The following CERS5 variants were observed in gnomAD, a reference collection of about 807,000 sequenced individuals.
The protein encoded by CERS5 is ceramide synthase 5.
A neutral mutation model predicts 58.9 loss-of-function variants in CERS5; 37 were observed. The ratio of observed to expected loss-of-function variants is 0.63; its 90% CI spans 0.48 to 0.83. The LOEUF is 0.83. Among genes scored for constraint, CERS5 ranks in the 40% least tolerant of loss-of-function variants. The pLI is 0.00. For missense variants in CERS5, 398 were observed against 489.3 expected (o/e 0.81, Z 1.76); for synonymous variants, 147 against 177.8 (o/e 0.83, Z 1.38).
In CERS5 at chr12:50,154,427, G is replaced by A. The variant is rs190855438; in HGVS notation, c.198-10370C>T. ...AGATAAATATCAAATTATTTGAAAG[G>A]GCTATTAAAATACTTCCTGCTTTTC... On this transcript the variant is annotated intron_variant, in intron 1 of 9. Coordinates refer to ENST00000317551, the MANE Select transcript of CERS5 (RefSeq NM_147190.5). The A allele has an allele frequency of 2.1e-3, 335 of 158,192 alleles. 1 individual carries two copies. The highest frequency in any genetic ancestry group is 5.7e-3 in the Middle Eastern group (11 of 1,928). 9.8% of individuals were successfully genotyped at this position (158,192 alleles called of 1,614,324 possible). A position where few individuals can be genotyped will look rare whatever the true frequency, so the allele number is the denominator to read the frequency against.
chr12:50,163,826 A>C (rs1316357855), intron 1 of CERS5, among the ~76,000 whole-genome samples: 1 of 150,964 alleles, frequency 6.6e-6, no homozygotes, highest in Non-Finnish European at 1.5e-5. Flanking sequence ...CTAATTTTTA[A>C]ATTTTTTTGT....
At chr12:50,134,457 G>C (rs763237279) in intron 9 of CERS5, 89 bp downstream of exon 9, 1 of 1,610,548 alleles carries the variant, frequency 6.2e-7, no homozygotes, top group Non-Finnish European at 8.5e-7. Context: ...TGAGTAGATG[G>C]GGCTCACCAG....
chr12:50,167,055 C>T lies in CERS5; in HGVS notation c.197+46G>A, dbSNP rs368918436. On this transcript the variant is annotated intron_variant, in intron 1 of 9. Coordinates refer to ENST00000317551, the MANE Select transcript of CERS5 (RefSeq NM_147190.5). ...TCGGCCCTTCCCACAGCGGGGCGCC[C>T]CCGGCCCGCGCCCGGCCCCCGAGCC... The T allele has an allele frequency of 4.1e-5, 59 of 1,426,002 alleles. No homozygotes were observed. In the South Asian group the frequency reaches 5.1e-4, roughly 12 times the overall value. The allele number at this position is 1,426,002 out of a possible 1,614,324, so 88.3% of individuals were successfully genotyped here. A position where few individuals can be genotyped will look rare whatever the true frequency, so the allele number is the denominator to read the frequency against.
intron 1 of CERS5, among the ~76,000 whole-genome samples, chr12:50,153,640 T>G (rs970577868): frequency 2.0e-5 from 3 of 152,150 alleles, no homozygotes; most frequent in African/African-American, 7.2e-5. Context: ...TTCCAAATGA[T>G]GGATACATGA....
chr12:50,153,745 A>G (rs10876004), intron 1 of CERS5: 74,623 of 244,312 alleles, frequency 0.31, 12,519 homozygotes, highest in East Asian at 0.75. Flanking sequence ...ACCTGAGGTC[A>G]GGAGTTTGAG....
intron 1 of CERS5, chr12:50,147,446 A>G (rs995215397): frequency 1.3e-5 from 2 of 151,146 alleles, no homozygotes; most frequent in African/African-American, 4.9e-5. Flanking sequence ...TAGGGTGGTC[A>G]ATTTCCAGAG....
rs1340659323 is a variant in CERS5 at position 50,135,940 on chromosome 12, C to T, written c.765+1G>A. The T allele has an allele frequency of 4.5e-6, 7 of 1,546,828 alleles. No homozygotes were observed. Among genetic ancestry groups the T allele is most frequent in the Non-Finnish European group, 6.1e-6 (7 of 1,152,536 alleles). ...TGGAGAAAGAGAGATTGGGTTTTTA[C>T]CTCCAGCAAGAAGTCTGAGACATCA... On this transcript the variant is annotated splice_donor_variant, in intron 7 of 9. Coordinates refer to ENST00000317551, the MANE Select transcript of CERS5 (RefSeq NM_147190.5). LOFTEE classifies it high-confidence loss of function.
chr12:50,155,875 G>A (rs1013945285), intron 1 of CERS5, among the ~76,000 whole-genome samples: 2 of 151,798 alleles, frequency 1.3e-5, no homozygotes, highest in African/African-American at 2.4e-5. Flanking sequence ...GGCCAAGGCG[G>A]GTGGATCACC....
intron 1 of CERS5, among the ~76,000 whole-genome samples, chr12:50,163,098 T>C (rs1007171455): frequency 1.3e-5 from 2 of 152,186 alleles, no homozygotes; most frequent in African/African-American, 4.8e-5. Context: ...AGGGTCTCGC[T>C]ATGCTGCCCA....
chr12:50,161,784 G>GAAAGAAAAAAAAAAA (rs1939294735), intron 1 of CERS5, among the ~76,000 whole-genome samples: 1 of 90,862 alleles, frequency 1.1e-5, no homozygotes, highest in African/African-American at 4.6e-5. Context: ...CTCAAAAAAA[G>GAAAGAAAAAAAAAAA]AAAAAAAAAA....
At chr12:50,160,797 C>T (rs1253603870) in intron 1 of CERS5, among the ~76,000 whole-genome samples, 1 of 152,120 alleles carries the variant, frequency 6.6e-6, no homozygotes, top group Admixed American at 6.6e-5. Context: ...ACTATTCTTT[C>T]CCTAATCAGC....
chr12:50,137,065 T>C lies in CERS5; in HGVS notation c.636+663A>G, dbSNP rs534919001. 2.0e-5 allele frequency among the ~76,000 whole-genome samples: 3 copies of C among 152,302 alleles called. No homozygotes were observed. In the South Asian group the frequency reaches 6.2e-4, roughly 32 times the overall value. On this transcript the variant is annotated intron_variant, in intron 6 of 9. Coordinates refer to ENST00000317551, the MANE Select transcript of CERS5 (RefSeq NM_147190.5). ...TCATTCCCATAAATGCTAACCCTGG[T>C]TTTCTTCATCAAAGATAACCCTGAG...
chr12:50,164,196 G>A (rs544282386), intron 1 of CERS5, among the ~76,000 whole-genome samples: 11 of 151,788 alleles, frequency 7.2e-5, no homozygotes, highest in African/African-American at 2.4e-4. Flanking sequence ...CTGGCCTCAA[G>A]TGATCTCCCT....
At chr12:50,139,780 G>C (rs192339451) in intron 4 of CERS5, among the ~76,000 whole-genome samples, 2 of 152,252 alleles carry the variant, frequency 1.3e-5, no homozygotes, top group East Asian at 1.9e-4. Context: ...GAGACAGAGT[G>C]AGACTCTGTC....
intron 1 of CERS5, among the ~76,000 whole-genome samples, chr12:50,147,158 C>T (rs978771813): frequency 6.6e-6 from 1 of 151,946 alleles, no homozygotes; most frequent in Non-Finnish European, 1.5e-5. Flanking sequence ...AATCCCAGCA[C>T]TTTGGGAGGC....
At chr12:50,165,832 T>C in intron 1 of CERS5, 3 of 388,312 alleles carry the variant, frequency 7.7e-6, no homozygotes, top group South Asian at 5.6e-5. Flanking sequence ...CTGAGGCCTA[T>C]GGCAGAAACA....
chr12:50,144,521 A>G, intron 1 of CERS5: 1 of 350,538 alleles, frequency 2.9e-6, no homozygotes, highest in Non-Finnish European at 5.2e-6. Context: ...GTTTCCTTAC[A>G]TCAAAAGACC....
intron 6 of CERS5, among the ~76,000 whole-genome samples, chr12:50,136,812 G>A (rs1405192466): frequency 6.6e-6 from 1 of 152,086 alleles, no homozygotes; most frequent in Non-Finnish European, 1.5e-5. Flanking sequence ...AGTTAGACCT[G>A]GGGAAGTCTC....
In CERS5 at chr12:50,133,765, G is replaced by C. The variant is rs577230653; in HGVS notation, c.1029+781C>G. ...GGTAGAACTTTCCTCTTGCGTCTAAGTCACATCTTAAAAGGTAAAACAGGC... is the reference window on the plus strand; with the variant it reads ...GGTAGAACTTTCCTCTTGCGTCTAACTCACATCTTAAAAGGTAAAACAGGC... On this transcript the variant is annotated intron_variant, in intron 9 of 9. Transcript: ENST00000317551. The C allele has an allele frequency of 4.2e-5, 41 of 985,600 alleles. No individual in the cohort carries two copies. In the African/African-American group the frequency reaches 7.2e-4, roughly 17 times the overall value. The allele number at this position is 985,600 out of a possible 1,614,324, so 61.1% of individuals were successfully genotyped here.
Sources: allele counts gnomAD v4.1 joint callset (sites outside exome capture counted in the v4.1 genomes callset), GRCh38; gene constraint gnomAD v4.1.1; transcripts MANE v1.5; gene names NCBI Gene and HGNC (gene_info 2026-07-23, HGNC 2026-07-21).